The following AUTS2 variants were observed in gnomAD, a reference collection of about 807,000 sequenced individuals.
The protein encoded by AUTS2 is autism susceptibility gene 2 protein.
A neutral mutation model predicts 112.4 loss-of-function variants in AUTS2; 17 were observed. The ratio of observed to expected loss-of-function variants is 0.15; its 90% CI spans 0.10 to 0.23. The LOEUF is 0.23. Among genes scored for constraint, AUTS2 ranks in the 10% least tolerant of loss-of-function variants. The pLI, the probability that AUTS2 is intolerant of heterozygous loss-of-function variation, is 1.00. For missense variants in AUTS2, 1,510 were observed against 1,701.6 expected (o/e 0.89, Z 1.98); for synonymous variants, 751 against 702.7 (o/e 1.07, Z -1.09).
At chr7:69,797,431 A>C (rs988700253) in intron 1 of AUTS2, among the ~76,000 whole-genome samples, 1 of 152,228 alleles carries the variant, frequency 6.6e-6, no homozygotes, top group Non-Finnish European at 1.5e-5. Flanking sequence ...TGGGGCTGCA[A>C]GGAAGGCAGT....
intron 2 of AUTS2, among the ~76,000 whole-genome samples, chr7:69,951,461 C>T (rs1237117814): frequency 6.6e-6 from 1 of 152,166 alleles, no homozygotes; most frequent in Non-Finnish European, 1.5e-5. Flanking sequence ...GATAAAGCAT[C>T]TGGAACCATG....
chr7:69,740,588 A>G (rs1033354836), intron 1 of AUTS2, among the ~76,000 whole-genome samples: 3 of 151,062 alleles, frequency 2.0e-5, no homozygotes, highest in African/African-American at 7.3e-5. Context: ...CAATGGTGTG[A>G]TCTTGGCTCA....
rs763774459 is a variant in AUTS2 at position 70,766,085 on chromosome 7, G to A, written c.1469-29G>A. Reference sequence around the variant, plus strand: ...GATGTCCTTTTCTGAAGGAAAAGGCGTCATCGTCTCCCTCTTCTTCTCTTC... The same window carrying A: ...GATGTCCTTTTCTGAAGGAAAAGGCATCATCGTCTCCCTCTTCTTCTCTTC... On this transcript the variant is annotated intron_variant, in intron 8 of 18. Transcript: ENST00000342771. This position sits in a 1 kb window ranked among gnomAD's most constrained non-coding sequence, Gnocchi z 4.8. 4.0e-5 allele frequency: 64 copies of A among 1,603,240 alleles called. No individual in the cohort carries two copies. The highest frequency in any genetic ancestry group is 1.7e-4 in the South Asian group (15 of 90,262).
intron 5 of AUTS2, among the ~76,000 whole-genome samples, chr7:70,497,736 T>C (rs1450339826): frequency 6.6e-6 from 1 of 152,162 alleles, no homozygotes; most frequent in East Asian, 1.9e-4. Flanking sequence ...GACCCTCGGT[T>C]TTCGCTGAGG....
chr7:70,746,813 G>A (rs1235055907), intron 6 of AUTS2, among the ~76,000 whole-genome samples: 8 of 152,362 alleles, frequency 5.3e-5, no homozygotes, highest in South Asian at 2.1e-4. Flanking sequence ...AACACGGGGA[G>A]TAGCAGTGTT....
At chr7:70,565,610 G>T (rs1478483057) in intron 5 of AUTS2, among the ~76,000 whole-genome samples, 4 of 152,228 alleles carry the variant, frequency 2.6e-5, no homozygotes, top group South Asian at 4.1e-4. Flanking sequence ...AGCACAGGAG[G>T]TTGAGGCTGC....
chr7:69,722,525 G>A lies in AUTS2; in HGVS notation c.309+122563G>A, dbSNP rs529451074. On this transcript the variant is annotated intron_variant, in intron 1 of 18. Coordinates refer to ENST00000342771, the MANE Select transcript of AUTS2 (RefSeq NM_015570.4). ...TTTTTATTTTTGTTTTTTAAGAGCTGGAAATTTGCTATGTTGCCCAGGCTG... is the reference window on the plus strand; with the variant it reads ...TTTTTATTTTTGTTTTTTAAGAGCTAGAAATTTGCTATGTTGCCCAGGCTG... Among the ~76,000 whole-genome samples, 13 of 152,102 alleles carry A rather than the reference G, an allele frequency of 8.5e-5. No homozygotes were observed. In the East Asian group the frequency reaches 2.5e-3, roughly 29 times the overall value.
chr7:70,104,476 G>T (rs1334555058), intron 2 of AUTS2, among the ~76,000 whole-genome samples: 1 of 152,142 alleles, frequency 6.6e-6, no homozygotes, highest in African/African-American at 2.4e-5. Flanking sequence ...CCTTAATGAA[G>T]AACAGATTGA....
At chr7:70,656,817 C>T (rs952469210) in intron 5 of AUTS2, among the ~76,000 whole-genome samples, 1 of 151,942 alleles carries the variant, frequency 6.6e-6, no homozygotes, top group Non-Finnish European at 1.5e-5. Context: ...TCAACCTCTG[C>T]GACTAGGCCC....
At chr7:69,730,501 G>A (rs1786746209) in intron 1 of AUTS2, among the ~76,000 whole-genome samples, 1 of 152,096 alleles carries the variant, frequency 6.6e-6, no homozygotes, top group Admixed American at 6.6e-5. Context: ...AGGAAAGGTG[G>A]GCTAAATCAG....
intron 3 of AUTS2, among the ~76,000 whole-genome samples, chr7:70,121,143 A>C (rs556812770): frequency 7.2e-5 from 11 of 152,338 alleles, no homozygotes; most frequent in African/African-American, 2.6e-4. Flanking sequence ...CTGGATTTCT[A>C]TGTGCAAAAG....
intron 6 of AUTS2, among the ~76,000 whole-genome samples, chr7:70,756,255 T>C (rs1228507127): frequency 6.6e-6 from 1 of 152,188 alleles, no homozygotes; most frequent in Non-Finnish European, 1.5e-5. Context: ...TTTGGGAATA[T>C]TGATTGATTA....
At chr7:69,910,998 C>A (rs1429504161) in intron 2 of AUTS2, among the ~76,000 whole-genome samples, 4 of 152,232 alleles carry the variant, frequency 2.6e-5, no homozygotes, top group Non-Finnish European at 5.9e-5. Flanking sequence ...ATGGGAAAGA[C>A]CCCCATGATT....
chr7:70,605,712 T>C (rs1244930530), intron 5 of AUTS2, among the ~76,000 whole-genome samples: 1 of 152,082 alleles, frequency 6.6e-6, no homozygotes, highest in African/African-American at 2.4e-5. Flanking sequence ...AAATACAACA[T>C]AGCGATGAAT....
At chr7:70,241,096 T>C (rs1205259069) in intron 4 of AUTS2, among the ~76,000 whole-genome samples, 1 of 152,176 alleles carries the variant, frequency 6.6e-6, no homozygotes. Flanking sequence ...TTTGGCCTCC[T>C]CTAGGTCTTA....
intron 5 of AUTS2, among the ~76,000 whole-genome samples, chr7:70,573,722 T>G (rs2129526158): frequency 6.6e-6 from 1 of 152,236 alleles, no homozygotes; most frequent in Admixed American, 6.5e-5. Flanking sequence ...AGTTAAACGG[T>G]TCAAAGGATA....
intron 5 of AUTS2, among the ~76,000 whole-genome samples, chr7:70,506,793 G>A (rs1010388175): frequency 6.6e-6 from 1 of 152,214 alleles, no homozygotes; most frequent in East Asian, 1.9e-4. Flanking sequence ...TCGGGGCTGA[G>A]ATTCAGCAGT....
chr7:69,844,209 G>A (rs1792099905), intron 1 of AUTS2, among the ~76,000 whole-genome samples: 1 of 152,034 alleles, frequency 6.6e-6, no homozygotes, highest in South Asian at 2.1e-4. Flanking sequence ...TGTTAGTATG[G>A]GCTACTTATT....
intron 4 of AUTS2, among the ~76,000 whole-genome samples, chr7:70,153,270 A>G (rs551473752): frequency 6.6e-6 from 1 of 152,216 alleles, no homozygotes; most frequent in Non-Finnish European, 1.5e-5. Context: ...ATGCAACAAC[A>G]TGGATTCATC....
Sources: allele counts gnomAD v4.1 joint callset (sites outside exome capture counted in the v4.1 genomes callset), GRCh38; gene constraint gnomAD v4.1.1; non-coding constraint Gnocchi (gnomAD v3.1); transcripts MANE v1.5; gene names NCBI Gene and HGNC (gene_info 2026-07-23, HGNC 2026-07-21).